GNPDA1: variants seen among roughly 807,000 people sequenced by gnomAD.
The protein encoded by GNPDA1 is glucosamine-6-phosphate deaminase 1.
GNPDA1 carries 24 observed loss-of-function variants against 28.5 expected under a neutral mutation model. The observed-to-expected ratio is 0.84, with a 90% CI of 0.61 to 1.19. GNPDA1 has a LOEUF of 1.19. Ranked by LOEUF, GNPDA1 falls within the 50% of genes most tolerant of loss-of-function variation. The pLI, the probability that GNPDA1 is intolerant of heterozygous loss-of-function variation, is 0.00. For synonymous variants in GNPDA1, 147 were observed against 139.3 expected (o/e 1.06, Z -0.39); for missense variants, 264 against 367.3 (o/e 0.72, Z 2.30).
At chr5:142,010,221 C>T (rs1025201047) in intron 2 of GNPDA1, among the ~76,000 whole-genome samples, 1 of 152,212 alleles carries the variant, frequency 6.6e-6, no homozygotes, top group Non-Finnish European at 1.5e-5. Context: ...TGCAGTGGCA[C>T]AATCTCAGCT....
intron 1 of GNPDA1, 107 bp from the exon 2 acceptor site, chr5:142,012,148 C>A: frequency 3.3e-6 from 4 of 1,211,934 alleles, no homozygotes; most frequent in Non-Finnish European, 4.6e-6. Flanking sequence ...ATCCCCTTCC[C>A]AAGCTGTCTG....
In GNPDA1 at chr5:142,002,106, A is replaced by C; in HGVS notation, c.793T>G (p.Leu265Val). 1.9e-6 allele frequency: 3 copies of C among 1,591,014 alleles called. No homozygotes were observed. The highest frequency in any genetic ancestry group is 2.6e-6 in the Non-Finnish European group (3 of 1,160,280). The change falls in exon 7 of 7, where the codon TTG becomes GTG. Residue 265 changes from leucine to valine, a missense_variant. Physicochemically the swap from Leu to Val is conservative, Grantham distance 32. Coordinates refer to ENST00000311337, the MANE Select transcript of GNPDA1 (RefSeq NM_005471.5). ...FKGLMLVHNK[L>V]VDPLYSIKEK... ...TTGATACTGTACAAGGGGTCCACCA[A>C]CTTGTTATGAACAAGCATTAAACCT...
In GNPDA1 at chr5:142,008,116, T is replaced by G. The variant is rs148523791; in HGVS notation, c.125-216A>C. Among the ~76,000 whole-genome samples, 317 of 152,390 alleles carry G rather than the reference T, an allele frequency of 2.1e-3. 1 individual carries two copies. Among genetic ancestry groups the G allele is most frequent in the African/African-American group, 7.2e-3 (301 of 41,588 alleles). ...AGCTCCAGGAGGGCAGGACTGTGTC[T>G]GCCTTGATCACTGCTGAATCTCCCA... is the stretch of plus-strand genomic sequence containing the variant. On this transcript the variant is annotated intron_variant, in intron 2 of 6. Transcript: ENST00000311337.
chr5:142,008,028 C>A, intron 2 of GNPDA1, 128 bp from the exon 3 acceptor site: 1 of 648,854 alleles, frequency 1.5e-6, no homozygotes. Context: ...CCCAGTACTC[C>A]AATCCTAACT....
At chr5:142,005,980 C>T (rs1755792100) in intron 4 of GNPDA1, 164 bp downstream of exon 4, 7 of 592,258 alleles carry the variant, frequency 1.2e-5, no homozygotes, top group Admixed American at 8.6e-5. Context: ...TCCAAGATAA[C>T]ATAGTTCCTG....
chr5:142,007,721 T>G lies in GNPDA1; in HGVS notation c.226+78A>C, dbSNP rs899330043. ...CAAATGTCACTGGCTCCCCGATTCC[T>G]CTCCAGGACTGGGCCAATGAGAGGA... On this transcript the variant is annotated intron_variant, in intron 3 of 6. Coordinates refer to ENST00000311337, the MANE Select transcript of GNPDA1 (RefSeq NM_005471.5). 7 of 821,838 alleles carry G rather than the reference T, an allele frequency of 8.5e-6. No individual in the cohort carries two copies. The Admixed American group carries it at 1.3e-4, about 15-fold the overall frequency. 50.9% of individuals were successfully genotyped at this position (821,838 alleles called of 1,614,324 possible). A position where few individuals can be genotyped will look rare whatever the true frequency, so the allele number is the denominator to read the frequency against.
Position 142,003,956 on chromosome 5 carries a change from C to T in GNPDA1, c.595-694G>A, listed in dbSNP as rs2127089384. 6.6e-6 allele frequency among the ~76,000 whole-genome samples: 1 copy of T among 152,318 alleles called. No homozygotes were observed. Among genetic ancestry groups the T allele is most frequent in the East Asian group, 1.9e-4 (1 of 5,186 alleles). The stretch of plus-strand genomic sequence containing the variant: ...CTGTAGATTTCCTTTCATTTTAATT[C>T]ACATGTGCCACAGAGTTGTGAACAG... On this transcript the variant is annotated intron_variant, in intron 5 of 6. Coordinates refer to ENST00000311337, the MANE Select transcript of GNPDA1 (RefSeq NM_005471.5). This position sits in a 1 kb window ranked among gnomAD's most constrained non-coding sequence, Gnocchi z 4.0.
rs74378314 is a variant in GNPDA1 at position 142,009,522 on chromosome 5, G to C, written c.125-1622C>G. 2.6e-5 allele frequency among the ~76,000 whole-genome samples: 4 copies of C among 152,142 alleles called. No individual in the cohort carries two copies. In the East Asian group the frequency reaches 7.7e-4, roughly 29 times the overall value. Reference sequence around the variant, plus strand: ...GAAGGCAGAAGTTCATATCCTTTTTGTTCATTGCTGTATCCTTAGAGGCTA... The same window carrying C: ...GAAGGCAGAAGTTCATATCCTTTTTCTTCATTGCTGTATCCTTAGAGGCTA... On this transcript the variant is annotated intron_variant, in intron 2 of 6. Coordinates refer to ENST00000311337, the MANE Select transcript of GNPDA1 (RefSeq NM_005471.5).
rs773633866 is a variant in GNPDA1 at position 142,001,841 on chromosome 5, TACAA to T, written c.*184_*187del. The T allele has an allele frequency of 2.4e-6, 1 of 412,236 alleles. No individual in the cohort carries two copies. Among genetic ancestry groups the T allele is most frequent in the Non-Finnish European group, 4.3e-6 (1 of 232,524 alleles). The allele number at this position is 412,236 out of a possible 1,614,324, so 25.5% of individuals were successfully genotyped here. ...GCAGATATTTTTTTTCTGATTAAGTTACAAACATTCTCCCTATAGCTAAACTCCG... is the reference window on the plus strand; with the variant it reads ...GCAGATATTTTTTTTCTGATTAAGTTACATTCTCCCTATAGCTAAACTCCG... On this transcript the variant is annotated 3_prime_UTR_variant, in exon 7 of 7. Coordinates refer to ENST00000311337, the MANE Select transcript of GNPDA1 (RefSeq NM_005471.5).
In GNPDA1 at chr5:142,004,931, C is replaced by T; in HGVS notation, c.594+1G>A. 2 of 1,591,602 alleles carry T rather than the reference C, an allele frequency of 1.3e-6. No homozygotes were observed. The highest frequency in any genetic ancestry group is 4.5e-5 in the East Asian group (2 of 44,294). ...AGCTGGTGGGGCCCTTATGCCCTTA[C>T]CTCTCTAGCATCCATGACAGTGCCC... On this transcript the variant is annotated splice_donor_variant, in intron 5 of 6. Transcript: ENST00000311337. LOFTEE classifies it high-confidence loss of function.
chr5:142,012,165 G>GA (rs1755976079), intron 1 of GNPDA1, 124 bp from the exon 2 acceptor site: 2 of 992,438 alleles, frequency 2.0e-6, no homozygotes, highest in Non-Finnish European at 2.9e-6. Context: ...TCTGAGCCAG[G>GA]AAAAAGGCCT....
In GNPDA1 at chr5:142,007,848, C is replaced by A; in HGVS notation, c.177G>T (p.Gly59=). ...TCTTCACATATTTAAAGGACAGGTC[C>A]CCATTCTTATAGTATTCAATCAGCT... ...YKKLIEYYKN[G]DLSFKYVKTF... Residue 59 remains glycine, a synonymous_variant, in exon 3 of 7, where the codon GGG becomes GGT. Coordinates refer to ENST00000311337, the MANE Select transcript of GNPDA1 (RefSeq NM_005471.5). The A allele has an allele frequency of 6.2e-7, 1 of 1,612,850 alleles. No homozygotes were observed. Among genetic ancestry groups the A allele is most frequent in the Non-Finnish European group, 8.5e-7 (1 of 1,178,876 alleles).
At chr5:142,007,706 T>G in intron 3 of GNPDA1, 93 bp downstream of exon 3, 1 of 745,790 alleles carries the variant, frequency 1.3e-6, no homozygotes, top group South Asian at 1.6e-5. Flanking sequence ...CAAATGTCAC[T>G]GGCTCCCCGA....
Position 142,006,098 on chromosome 5 carries a change from C to G in GNPDA1, c.409+46G>C, listed in dbSNP as rs2232197. 7.7e-4 allele frequency: 1,169 copies of G among 1,516,714 alleles called. 8 individuals are homozygous for G. In the African/African-American group the frequency reaches 0.014, roughly 18 times the overall value. The allele number at this position is 1,516,714 out of a possible 1,614,324, so 94.0% of individuals were successfully genotyped here. On this transcript the variant is annotated intron_variant, in intron 4 of 6. Transcript: ENST00000311337. Reference sequence around the variant, plus strand: ...AGGCATTGTGTCTTGTCCTCCTTCCCACGGGTCTGGCCCTGGACATGTGTG... The same window carrying G: ...AGGCATTGTGTCTTGTCCTCCTTCCGACGGGTCTGGCCCTGGACATGTGTG...
chr5:142,008,723 T>A (rs1172264506), intron 2 of GNPDA1, among the ~76,000 whole-genome samples: 1 of 150,026 alleles, frequency 6.7e-6, no homozygotes, highest in East Asian at 1.9e-4. Flanking sequence ...CCAGACTCTA[T>A]CTTGAAAAAA....
intron 1 of GNPDA1, chr5:142,012,770 GT>G: frequency 1.3e-6 from 1 of 783,216 alleles, no homozygotes; most frequent in Non-Finnish European, 1.6e-6. Context: ...CAGCACTGCG[GT>G]TAGTGGGAGT....
At position 142,001,953 on chromosome 5, in the gene GNPDA1, A is replaced by AT; in HGVS notation, c.*75dup. On this transcript the variant is annotated 3_prime_UTR_variant, in exon 7 of 7. Coordinates refer to ENST00000311337, the MANE Select transcript of GNPDA1 (RefSeq NM_005471.5). The stretch of plus-strand genomic sequence containing the variant: ...AACCATACTAGATTAAAGAAATACA[A>AT]TTCTTTCTTCTAAAGACAATTTCCA... 1 of 770,458 alleles carries AT rather than the reference A, an allele frequency of 1.3e-6. No homozygotes were observed. Among genetic ancestry groups the AT allele is most frequent in the African/African-American group, 1.8e-5 (1 of 56,884 alleles). 47.7% of individuals were successfully genotyped at this position (770,458 alleles called of 1,614,324 possible). A position where few individuals can be genotyped will look rare whatever the true frequency, so the allele number is the denominator to read the frequency against.
intron 2 of GNPDA1, among the ~76,000 whole-genome samples, chr5:142,010,770 T>C (rs1415071171): frequency 1.3e-5 from 2 of 152,086 alleles, no homozygotes; most frequent in Non-Finnish European, 2.9e-5. Flanking sequence ...TACCTCAGCC[T>C]CCCAAAGTGC....
intron 3 of GNPDA1, 134 bp downstream of exon 3, chr5:142,007,665 A>G (rs1186927696): frequency 1.5e-6 from 1 of 649,506 alleles, no homozygotes; most frequent in African/African-American, 1.8e-5. Flanking sequence ...GAGTAAACCA[A>G]GAGGTAAGTA....
Sources: allele counts gnomAD v4.1 joint callset (sites outside exome capture counted in the v4.1 genomes callset), GRCh38; gene constraint gnomAD v4.1.1; non-coding constraint Gnocchi (gnomAD v3.1); transcripts MANE v1.5; gene names NCBI Gene and HGNC (gene_info 2026-07-23, HGNC 2026-07-21).